Variants in SNRPD3 observed in about 807,000 individuals in gnomAD.
The protein encoded by SNRPD3 is small nuclear ribonucleoprotein D3 polypeptide.
For synonymous variants in SNRPD3, 66 were observed against 58.4 expected (o/e 1.13, Z -0.59); for missense variants, 73 against 167.5 (o/e 0.44, Z 3.11).
At chr22:24,563,197 G>A (rs1260741212) in intron 2 of SNRPD3, among the ~76,000 whole-genome samples, 1 of 139,234 alleles carries the variant, frequency 7.2e-6, no homozygotes, top group East Asian at 2.0e-4. Context: ...GTGAGACCCT[G>A]TCTCATATAT....
At position 24,574,734 on chromosome 22, in the gene SNRPD3, G is replaced by T. The variant is rs987341760; in HGVS notation, c.*2757G>T. Among the ~76,000 whole-genome samples, 4 of 152,070 alleles carry T rather than the reference G, an allele frequency of 2.6e-5. No individual in the cohort carries two copies. Among genetic ancestry groups the T allele is most frequent in the Non-Finnish European group, 5.9e-5 (4 of 68,026 alleles). ...TTTTTGTATTTTTTGTAGAGACAGG[G>T]TTTTGCCATGTTGCCCAAGCTGGTC... is the stretch of plus-strand genomic sequence containing the variant. On this transcript the variant is annotated 3_prime_UTR_variant, in exon 4 of 4. Transcript: ENST00000215829.
intron 2 of SNRPD3, among the ~76,000 whole-genome samples, chr22:24,566,811 C>T (rs979544122): frequency 6.6e-5 from 10 of 152,118 alleles, no homozygotes; most frequent in African/African-American, 2.4e-4. Context: ...TTGGTATCAC[C>T]CTCCCATGCC....
intron 1 of SNRPD3, 124 bp from the exon 2 acceptor site, chr22:24,557,532 GA>G: frequency 1.6e-6 from 1 of 610,092 alleles, no homozygotes; most frequent in Non-Finnish European, 2.8e-6. Context: ...TTCCTTGGTA[GA>G]AAATGCAGCT....
intron 2 of SNRPD3, among the ~76,000 whole-genome samples, chr22:24,564,009 A>C (rs1285728839): frequency 6.6e-6 from 1 of 151,956 alleles, no homozygotes; most frequent in Non-Finnish European, 1.5e-5. Flanking sequence ...AGTTTTTTAA[A>C]CTTATCGTAT....
intron 1 of SNRPD3, among the ~76,000 whole-genome samples, chr22:24,557,309 C>T (rs1390292531): frequency 1.3e-5 from 2 of 152,200 alleles, no homozygotes; most frequent in African/African-American, 4.8e-5. Context: ...ATTAACATTC[C>T]AGTCCCCCTC....
chr22:24,563,250 G>GTA (rs1555892654), intron 2 of SNRPD3, among the ~76,000 whole-genome samples: 2 of 135,194 alleles, frequency 1.5e-5, no homozygotes, highest in Non-Finnish European at 3.1e-5. Flanking sequence ...GTGTATGTGT[G>GTA]TATGTATGTA....
Position 24,572,134 on chromosome 22 carries a change from C to CTGTAT in SNRPD3, c.*160_*161insATTGT. On this transcript the variant is annotated 3_prime_UTR_variant, in exon 4 of 4. Transcript: ENST00000215829. ...AAATAAATCTGGGGGGTTTTTTGTT[C>CTGTAT]TGTTTTGTTTTGTTTTCTTTGAGAA... 1 of 1,421,904 alleles carries CTGTAT rather than the reference C, an allele frequency of 7.0e-7. No homozygotes were observed. Among genetic ancestry groups the CTGTAT allele is most frequent in the Non-Finnish European group, 9.7e-7 (1 of 1,034,290 alleles). 88.1% of individuals were successfully genotyped at this position (1,421,904 alleles called of 1,614,324 possible).
At chr22:24,566,026 A>C (rs1231584855) in intron 2 of SNRPD3, among the ~76,000 whole-genome samples, 1 of 152,148 alleles carries the variant, frequency 6.6e-6, no homozygotes, top group Non-Finnish European at 1.5e-5. Context: ...GTCTGACCAT[A>C]AACCTGGCGT....
intron 2 of SNRPD3, among the ~76,000 whole-genome samples, chr22:24,563,476 C>T (rs2045167988): frequency 1.3e-5 from 2 of 151,860 alleles, no homozygotes; most frequent in South Asian, 4.2e-4. Context: ...CACTGGTGGC[C>T]AGTGCTGCAG....
chr22:24,563,592 A>T lies in SNRPD3; in HGVS notation c.127-4392A>T, dbSNP rs2147124177. Among the ~76,000 whole-genome samples the T allele has an allele frequency of 1.3e-5, 2 of 152,304 alleles. 1 individual carries two copies. The highest frequency in any genetic ancestry group is 4.1e-4 in the South Asian group (2 of 4,822). On this transcript the variant is annotated intron_variant, in intron 2 of 3. Transcript: ENST00000215829. ...TATGTCCCCAGTTTTATAAAAATGG[A>T]CCCAAATTATAAATGATACAAGCAA... is the stretch of plus-strand genomic sequence containing the variant.
chr22:24,565,936 C>G (rs918388434), intron 2 of SNRPD3, among the ~76,000 whole-genome samples: 1 of 152,114 alleles, frequency 6.6e-6, no homozygotes, highest in African/African-American at 2.4e-5. Context: ...CATGAGCCAC[C>G]GCGCCCAGCC....
At chr22:24,558,499 C>T (rs944904998) in intron 2 of SNRPD3, among the ~76,000 whole-genome samples, 2 of 152,300 alleles carry the variant, frequency 1.3e-5, no homozygotes, top group African/African-American at 4.8e-5. Flanking sequence ...AATTATATGA[C>T]TTTAGATGTA....
At chr22:24,561,261 A>T (rs2045140851) in intron 2 of SNRPD3, among the ~76,000 whole-genome samples, 1 of 150,698 alleles carries the variant, frequency 6.6e-6, no homozygotes, top group South Asian at 2.1e-4. Flanking sequence ...TTTTGTAGAG[A>T]CGGAGTCTTG....
chr22:24,566,401 A>G (rs1056677972), intron 2 of SNRPD3, among the ~76,000 whole-genome samples: 2 of 152,154 alleles, frequency 1.3e-5, no homozygotes. Context: ...CTTCCCGAGT[A>G]GCTGGACTAC....
chr22:24,562,498 C>T (rs1047677956), intron 2 of SNRPD3, among the ~76,000 whole-genome samples: 1 of 151,498 alleles, frequency 6.6e-6, no homozygotes, highest in African/African-American at 2.4e-5. Flanking sequence ...GAGCCAAGAT[C>T]GCGCCACTGC....
intron 2 of SNRPD3, among the ~76,000 whole-genome samples, chr22:24,562,439 G>A (rs2045152581): frequency 6.6e-6 from 1 of 152,174 alleles, no homozygotes; most frequent in Non-Finnish European, 1.5e-5. Flanking sequence ...AGCTACTCGG[G>A]AGGCTGAGGC....
At chr22:24,561,253 T>C (rs985949611) in intron 2 of SNRPD3, among the ~76,000 whole-genome samples, 4 of 151,800 alleles carry the variant, frequency 2.6e-5, no homozygotes, top group Non-Finnish European at 5.9e-5. Flanking sequence ...TTAAATTTTT[T>C]TGTAGAGACG....
At chr22:24,568,350 T>C (rs2045215683) in intron 3 of SNRPD3, among the ~76,000 whole-genome samples, 174 bp downstream of exon 3, 1 of 151,906 alleles carries the variant, frequency 6.6e-6, no homozygotes, top group African/African-American at 2.4e-5. Flanking sequence ...GGCCATTATT[T>C]TATTTTTTTG....
At position 24,572,373 on chromosome 22, in the gene SNRPD3, G is replaced by C. The variant is rs1232709770; in HGVS notation, c.*396G>C. On this transcript the variant is annotated 3_prime_UTR_variant, in exon 4 of 4. Transcript: ENST00000215829. ...TGTGTCTCATTCATCTTCAGACACA[G>C]GCACATAGTGTGGCACTTTGTTCAG... is the stretch of plus-strand genomic sequence containing the variant. 5 of 531,278 alleles carry C rather than the reference G, an allele frequency of 9.4e-6. No homozygotes were observed. The East Asian group carries it at 9.9e-5, about 10-fold the overall frequency. 32.9% of individuals were successfully genotyped at this position (531,278 alleles called of 1,614,324 possible).
Sources: allele counts gnomAD v4.1 joint callset (sites outside exome capture counted in the v4.1 genomes callset), GRCh38; gene constraint gnomAD v4.1.1; transcripts MANE v1.5; gene names NCBI Gene and HGNC (gene_info 2026-07-23, HGNC 2026-07-21).